Variants in QTGAL observed in about 807,000 individuals in gnomAD.
The protein encoded by QTGAL is queuosine-tRNA galactosyltransferase, also known as BGnT-like protein 1.
At chr17:82,948,410 A>G in the QTGAL span, 1 of 152,266 alleles carries the variant, frequency 6.6e-6, no homozygotes, top group African/African-American at 2.4e-5. Context: ...ATGCTCACGC[A>G]GGAGGACACA....
At chr17:82,947,034 C>T in the QTGAL span, 1 of 1,505,074 alleles carries the variant, frequency 6.6e-7, no homozygotes, top group Non-Finnish European at 9.0e-7. Flanking sequence ...CTCTAGGAGG[C>T]CACTGTGGAG....
chr17:82,970,535 G>A, the QTGAL span, among the ~76,000 whole-genome samples: 15,847 of 108,198 alleles, frequency 0.15, 1,729 homozygotes, highest in African/African-American at 0.3. Flanking sequence ...CAGCGTGGCC[G>A]CGACCTCCGC....
chr17:82,946,154 GAA>G, the QTGAL span, among the ~76,000 whole-genome samples: 1 of 152,188 alleles, frequency 6.6e-6, no homozygotes, highest in Admixed American at 6.5e-5. Context: ...TAGTAGGAGA[GAA>G]ATGGAACAAG....
the QTGAL span, among the ~76,000 whole-genome samples, chr17:83,009,121 C>T: frequency 6.6e-6 from 1 of 151,618 alleles, no homozygotes; most frequent in Admixed American, 6.6e-5. Context: ...AAACGTAACT[C>T]AGGGCTGGAA....
the QTGAL span, among the ~76,000 whole-genome samples, chr17:83,042,095 T>C: frequency 6.6e-6 from 1 of 152,362 alleles, no homozygotes; most frequent in Admixed American, 6.5e-5. Context: ...AGCCAGGTGC[T>C]GTGGCTCATG....
the QTGAL span, chr17:82,957,557 A>G: frequency 6.6e-7 from 1 of 1,524,146 alleles, no homozygotes; most frequent in Non-Finnish European, 8.9e-7. Context: ...AGATGCTGAC[A>G]TACAGGGACA....
At chr17:82,978,155 C>T in the QTGAL span, among the ~76,000 whole-genome samples, 1 of 152,100 alleles carries the variant, frequency 6.6e-6, no homozygotes, top group Non-Finnish European at 1.5e-5. This position sits in a 1 kb window ranked among gnomAD's most constrained non-coding sequence, Gnocchi z 4.8. Context: ...ACAAGCCACG[C>T]GTGGCCTTTC....
At chr17:83,039,970 C>G in the QTGAL span, among the ~76,000 whole-genome samples, 225 of 152,278 alleles carry the variant, frequency 1.5e-3, no homozygotes, top group African/African-American at 4.9e-3. Context: ...TGGGGACATT[C>G]CAGAGGGACC....
the QTGAL span, among the ~76,000 whole-genome samples, chr17:82,965,180 C>T: frequency 8.3e-5 from 12 of 143,816 alleles, no homozygotes; most frequent in South Asian, 2.2e-4. Context: ...GGGACACAGA[C>T]GCCTGCAGGT....
At chr17:82,957,509 A>T in the QTGAL span, 1 of 1,592,720 alleles carries the variant, frequency 6.3e-7, no homozygotes, top group Non-Finnish European at 8.6e-7. Context: ...GGTGGAGAAG[A>T]GGGTGATAGG....
At chr17:83,015,500 T>C in the QTGAL span, among the ~76,000 whole-genome samples, 1 of 152,248 alleles carries the variant, frequency 6.6e-6, no homozygotes, top group Non-Finnish European at 1.5e-5. This position sits in a 1 kb window ranked among gnomAD's most constrained non-coding sequence, Gnocchi z 4.4. Context: ...AGCCTAATGT[T>C]CAGTGAAAGA....
chr17:83,007,178 T>C, the QTGAL span: 2 of 973,012 alleles, frequency 2.1e-6, no homozygotes, highest in Non-Finnish European at 2.4e-6. Flanking sequence ...TGTAATTCTT[T>C]TCATATGCTG....
the QTGAL span, among the ~76,000 whole-genome samples, chr17:82,977,537 C>T: frequency 3.3e-5 from 5 of 152,266 alleles, no homozygotes; most frequent in Non-Finnish European, 5.9e-5. Flanking sequence ...GTATCTGGAA[C>T]GCAGCTACAG....
chr17:83,046,642 C>T, the QTGAL span, among the ~76,000 whole-genome samples: 1 of 152,224 alleles, frequency 6.6e-6, no homozygotes, highest in African/African-American at 2.4e-5. Context: ...ATGTAAAATG[C>T]ATCCACTGTG....
At chr17:83,021,631 C>T in the QTGAL span, among the ~76,000 whole-genome samples, 1 of 152,234 alleles carries the variant, frequency 6.6e-6, no homozygotes, top group African/African-American at 2.4e-5. Flanking sequence ...AATCAGCAGG[C>T]TTGACCAGTT....
At chr17:82,971,151 C>T in the QTGAL span, among the ~76,000 whole-genome samples, 1 of 152,208 alleles carries the variant, frequency 6.6e-6, no homozygotes, top group Non-Finnish European at 1.5e-5. Context: ...TTCACGGGGA[C>T]AAACCACATC....
At chr17:82,965,792 G>T in the QTGAL span, 1,334 of 1,532,318 alleles carry the variant, frequency 8.7e-4, 11 homozygotes, top group African/African-American at 0.015. Flanking sequence ...AGAACAGCTT[G>T]TCACAAACAA....
At chr17:83,032,483 C>T in the QTGAL span, among the ~76,000 whole-genome samples, 1 of 119,870 alleles carries the variant, frequency 8.3e-6, no homozygotes, top group Non-Finnish European at 1.8e-5. Flanking sequence ...AGGCCTCCGA[C>T]GCAGACCGAA....
At chr17:83,004,949 C>G in the QTGAL span, among the ~76,000 whole-genome samples, 1 of 152,238 alleles carries the variant, frequency 6.6e-6, no homozygotes, top group African/African-American at 2.4e-5. Context: ...CCGCTGGGGC[C>G]ACTCTCATCT....
Sources: gnomAD v4.1 joint callset for allele counts (sites outside exome capture counted in the v4.1 genomes callset) on GRCh38, gnomAD v4.1.1 for gene constraint, Gnocchi (gnomAD v3.1) non-coding constraint, MANE v1.5 for transcripts, NCBI Gene and HGNC (gene_info 2026-07-23, HGNC 2026-07-21) for gene names.